TCHH: variants seen among roughly 807,000 people sequenced by gnomAD.
The protein encoded by TCHH is trichohyalin.
In TCHH, 6 loss-of-function variants were observed where a neutral mutation model predicts 6.3. That is an observed-to-expected ratio of 0.95 (90% CI 0.52 to 1.88). The LOEUF (loss-of-function observed/expected upper bound fraction) is 1.88, where lower values mean the gene tolerates loss of function less well. TCHH is among the 40% of genes most tolerant of loss of function. The pLI, the probability that TCHH is intolerant of heterozygous loss-of-function variation, is 0.01. For synonymous variants in TCHH, 1,087 were observed against 963.6 expected (o/e 1.13, Z -2.37); for missense variants, 2,920 against 2,449.1 (o/e 1.19, Z -4.06).
At position 152,107,778 on chromosome 1, in the gene TCHH, G is replaced by C; in HGVS notation, c.5439C>G (p.Arg1813=). 1 of 1,614,162 alleles carries C rather than the reference G, an allele frequency of 6.2e-7. No homozygotes were observed. The highest frequency in any genetic ancestry group is 8.5e-7 in the Non-Finnish European group (1 of 1,180,012). Residue 1813 remains arginine, a synonymous_variant, in exon 3 of 3, where the codon CGC becomes CGG. Coordinates refer to ENST00000614923, the MANE Select transcript of TCHH (RefSeq NM_007113.4). ...LRQEREEQQL[R]PQQRDGKYRW... ...GATACTTTCCGTCACGCTGTTGGGG[G>C]CGCAGCTGCTGTTCTTCCCTCTCCT...
In TCHH at chr1:152,111,357, C is replaced by G. The variant is rs1180157520; in HGVS notation, c.1860G>C (p.Leu620=). 3.1e-6 allele frequency: 5 copies of G among 1,609,538 alleles called. No homozygotes were observed. Among genetic ancestry groups the G allele is most frequent in the Non-Finnish European group, 1.7e-6 (2 of 1,178,574 alleles). ...LEQEERREQR[L]KREEPEEERR... ...TCTCTTCCTCCGGCTCCTCGCGCTT[C>G]AGCCGCTGCTCGCGCCTCTCCTCCT... is the stretch of plus-strand genomic sequence containing the variant. Residue 620 remains leucine (L), a synonymous_variant, in exon 3 of 3, where the codon CTG becomes CTC. Coordinates refer to ENST00000614923, the MANE Select transcript of TCHH (RefSeq NM_007113.4).
In TCHH at chr1:152,110,579, C is replaced by T. The variant is rs1236179330; in HGVS notation, c.2638G>A (p.Glu880Lys). Reference sequence around the variant, plus strand: ...GTGTGGCGGCGTCTCTTCCTTTCTTCTTCTAGTTGCCACCTCCATTTTTGG... The same window carrying T: ...GTGTGGCGGCGTCTCTTCCTTTCTTTTTCTAGTTGCCACCTCCATTTTTGG... ...RDQKWRWQLE[E>K]ERKRRRHTLY... Residue 880 changes from glutamate (E) to lysine (K), a missense_variant, in exon 3 of 3, where the codon GAA becomes AAA. Glu to Lys is a moderately conservative substitution (Grantham distance 56). Coordinates refer to ENST00000614923, the MANE Select transcript of TCHH (RefSeq NM_007113.4). 2.5e-6 allele frequency: 4 copies of T among 1,614,180 alleles called. No individual in the cohort carries two copies. Among genetic ancestry groups the T allele is most frequent in the Non-Finnish European group, 2.5e-6 (3 of 1,180,034 alleles).
In TCHH at chr1:152,107,610, C is replaced by T; in HGVS notation, c.5607G>A (p.Glu1869=). ...TTTCCCGTTCCTGGCGACGTTTCTG[C>T]TCCTCTTCTTGCCATAGTTCTTGTT... The part of the protein sequence containing the change: ...REEQELWQEE[E]QKRRQERERK... Residue 1869 remains glutamate (E), a synonymous_variant, in exon 3 of 3, where the codon GAG becomes GAA. Transcript: ENST00000614923. 1 of 1,614,088 alleles carries T rather than the reference C, an allele frequency of 6.2e-7. No homozygotes were observed. The highest frequency in any genetic ancestry group is 8.5e-7 in the Non-Finnish European group (1 of 1,180,012).
chr1:152,111,174 G>A lies in TCHH; in HGVS notation c.2043C>T (p.Arg681=), dbSNP rs536494435. 3 of 1,613,594 alleles carry A rather than the reference G, an allele frequency of 1.9e-6. No individual in the cohort carries two copies. Among genetic ancestry groups the A allele is most frequent in the African/African-American group, 1.3e-5 (1 of 74,940 alleles). ...GCTCCTCCTCAGCTAGCTCCTGCTC[G>A]CGCCTCTCTTCCTCATGCTCGCGCT... is the stretch of plus-strand genomic sequence containing the variant. The part of the protein sequence containing the change: ...RLKREHEEER[R]EQELAEEEQE... The change falls in exon 3 of 3, where the codon CGC becomes CGT. Residue 681 remains arginine (R), a synonymous_variant. Transcript: ENST00000614923.
Position 152,108,258 on chromosome 1 carries a change from G to T in TCHH, c.4959C>A (p.Arg1653=). Reference sequence around the variant, plus strand: ...GCAGCTGTTGTTCGCGCTCCTGGCGGCGCAGCTGCGGTTCCTCCTCGAGGA... The same window carrying T: ...GCAGCTGTTGTTCGCGCTCCTGGCGTCGCAGCTGCGGTTCCTCCTCGAGGA... ...RKFLEEEPQL[R]RQEREQQLRH... is the part of the protein sequence containing the mutation. Residue 1653 remains arginine (R), a synonymous_variant, in exon 3 of 3, where the codon CGC becomes CGA. Coordinates refer to ENST00000614923, the MANE Select transcript of TCHH (RefSeq NM_007113.4). The T allele has an allele frequency of 6.2e-7, 1 of 1,613,002 alleles. No individual in the cohort carries two copies. The highest frequency in any genetic ancestry group is 8.5e-7 in the Non-Finnish European group (1 of 1,179,666).
chr1:152,110,240 C>A lies in TCHH; in HGVS notation c.2977G>T (p.Glu993Ter). The A allele has an allele frequency of 1.2e-6, 2 of 1,608,818 alleles. No homozygotes were observed. The part of the protein sequence containing the change: ...RQEREKKYRE[E>*]EELQQEEEQL... ...TCTTCCTCCTGCTGCAACTCCTCTT[C>A]CTCGCGGTATTTTTTCTCCCGCTCC... The change falls in exon 3 of 3, where the codon GAA (glutamate) becomes TAA (stop). Residue 993 changes from glutamate to a stop codon, truncating the protein, a stop_gained. Coordinates refer to ENST00000614923, the MANE Select transcript of TCHH (RefSeq NM_007113.4). LOFTEE classifies it low-confidence loss of function (END_TRUNC).
Position 152,108,041 on chromosome 1 carries a change from GGAATTTTCTCTCCA to G in TCHH, c.5162_5175del (p.Leu1721ProfsTer2). On this transcript the variant is annotated frameshift_variant, in exon 3 of 3. Transcript: ENST00000614923. LOFTEE classifies it low-confidence loss of function (END_TRUNC). ...TCTTGGCGCAGCTGTTCCTCCTCAC[GGAATTTTCTCTCCA>G]GTTCCTGGCGGCGCAGCTGCTGTTC... The G allele has an allele frequency of 3.1e-6, 5 of 1,613,950 alleles. No individual in the cohort carries two copies. The highest frequency in any genetic ancestry group is 4.2e-6 in the Non-Finnish European group (5 of 1,179,986).
rs760306807 is a variant in TCHH, at chr1:152,111,387, G to A, written c.1830C>T (p.Leu610=). ...QRLKREEVER[L]EQEERREQRL... ...GCTGCTCGCGCCTCTCCTCCTGCTC[G>A]AGTCTCTCCACCTCCTCGCGCTTCA... The change falls in exon 3 of 3, where the codon CTC becomes CTT. Residue 610 remains leucine (L), a synonymous_variant. Transcript: ENST00000614923. 2 of 1,565,072 alleles carry A rather than the reference G, an allele frequency of 1.3e-6. No homozygotes were observed. Among genetic ancestry groups the A allele is most frequent in the African/African-American group, 1.6e-5 (1 of 61,846 alleles).
Position 152,109,485 on chromosome 1 carries a change from G to C in TCHH, c.3732C>G (p.Gly1244=), listed in dbSNP as rs1193544284. 6.2e-7 allele frequency: 1 copy of C among 1,614,130 alleles called. No individual in the cohort carries two copies. Among genetic ancestry groups the C allele is most frequent in the African/African-American group, 1.3e-5 (1 of 74,940 alleles). The stretch of plus-strand genomic sequence containing the variant: ...ACTGCCGGAACTGTTCATTCTCTCT[G>C]CCTTTGCAGTAAACCTTGTTATCAC... ...AVRDNKVYCK[G]RENEQFRQLE... is the part of the protein sequence containing the mutation. The change falls in exon 3 of 3, where the codon GGC becomes GGG. Residue 1244 remains glycine (G), a synonymous_variant. Coordinates refer to ENST00000614923, the MANE Select transcript of TCHH (RefSeq NM_007113.4).
chr1:152,112,335 C>T lies in TCHH; in HGVS notation c.882G>A (p.Glu294=). Residue 294 remains glutamate (E), a synonymous_variant, in exon 3 of 3, where the codon GAG becomes GAA. Transcript: ENST00000614923. ...CGCGCCTCAGCCTTTGCTGCTGCTG[C>T]TCTTCCTCCTGGCGCTCCCTCCTCA... ...QELRRERQEE[E]QQQQRLRREQ... is the part of the protein sequence containing the mutation. 6.2e-7 allele frequency: 1 copy of T among 1,613,272 alleles called. No homozygotes were observed. The highest frequency in any genetic ancestry group is 8.5e-7 in the Non-Finnish European group (1 of 1,180,030).
At position 152,110,987 on chromosome 1, in the gene TCHH, T is replaced by G. The variant is rs1209350796; in HGVS notation, c.2230A>C (p.Ser744Arg). 1 of 1,613,028 alleles carries G rather than the reference T, an allele frequency of 6.2e-7. No individual in the cohort carries two copies. The highest frequency in any genetic ancestry group is 1.3e-5 in the African/African-American group (1 of 74,798). Residue 744 changes from serine to arginine, a missense_variant, in exon 3 of 3, where the codon AGT becomes CGT. Coordinates refer to ENST00000614923, the MANE Select transcript of TCHH (RefSeq NM_007113.4). ...EQEEKRRRRE[S>R]ELQWQEEERA... ...TCCTCCTCCTGCCATTGCAGCTCAC[T>G]CTCCCGGCGCCGCCTCTTTTCCTCC...
Position 152,110,726 on chromosome 1 carries a change from GCT to G in TCHH, c.2489_2490del (p.Glu830AlafsTer134). ...TGCTCCTCTTCCTCCAGGAACTGCA[GCT>G]CTTTCTCCCTCTCGCGTCGCTGGCG... ...RRRQRREREK[E>X]LQFLEEEEQL... On this transcript the variant is annotated frameshift_variant, in exon 3 of 3. Coordinates refer to ENST00000614923, the MANE Select transcript of TCHH (RefSeq NM_007113.4). LOFTEE classifies it low-confidence loss of function (END_TRUNC). 1 of 1,611,038 alleles carries G rather than the reference GCT, an allele frequency of 6.2e-7. No individual in the cohort carries two copies. Among genetic ancestry groups the G allele is most frequent in the Non-Finnish European group, 8.5e-7 (1 of 1,180,000 alleles).
Position 152,113,061 on chromosome 1 carries a change from C to G in TCHH, c.156G>C (p.Lys52Asn). ...GAAGTTCCAGGATCAGATCTACCGT[C>G]TTAGGGTCATGTGGTCTCTATAAAA... is the stretch of plus-strand genomic sequence containing the variant. ...GAVLRRPHDP[K>N]TVDLILELLD... Residue 52 changes from lysine (K) to asparagine (N), a missense_variant, in exon 3 of 3, where the codon AAG becomes AAC. By Grantham distance (94) the Lys-to-Asn change is moderately conservative. Coordinates refer to ENST00000614923, the MANE Select transcript of TCHH (RefSeq NM_007113.4). The G allele has an allele frequency of 1.2e-6, 2 of 1,609,256 alleles. No homozygotes were observed. The highest frequency in any genetic ancestry group is 1.7e-5 in the Admixed American group (1 of 59,180).
chr1:152,114,646 A>C (rs1658466132), intron 1 of TCHH, among the ~76,000 whole-genome samples: 1 of 152,238 alleles, frequency 6.6e-6, no homozygotes, highest in Non-Finnish European at 1.5e-5. Context: ...AGGAACTCTT[A>C]TAGAATATAA....
At position 152,108,047 on chromosome 1, in the gene TCHH, T is replaced by C. The variant is rs771146028; in HGVS notation, c.5170A>G (p.Lys1724Glu). ...QQLRRQELER[K>E]FREEEQLRQE... ...CGCAGCTGTTCCTCCTCACGGAATT[T>C]TCTCTCCAGTTCCTGGCGGCGCAGC... The change falls in exon 3 of 3, where the codon AAA becomes GAA. Residue 1724 changes from lysine to glutamate, a missense_variant. Physicochemically the swap from Lys to Glu is moderately conservative, Grantham distance 56. Coordinates refer to ENST00000614923, the MANE Select transcript of TCHH (RefSeq NM_007113.4). 1 of 1,613,622 alleles carries C rather than the reference T, an allele frequency of 6.2e-7. No homozygotes were observed. Among genetic ancestry groups the C allele is most frequent in the East Asian group, 2.2e-5 (1 of 44,808 alleles).
chr1:152,109,975 C>T lies in TCHH; in HGVS notation c.3242G>A (p.Arg1081Gln), dbSNP rs1420355239. The change falls in exon 3 of 3, where the codon CGG becomes CAG. Residue 1081 changes from arginine to glutamine, a missense_variant. Coordinates refer to ENST00000614923, the MANE Select transcript of TCHH (RefSeq NM_007113.4). ...RRRQELERQY[R>Q]KEEELQQEEE... ...CTCCTGCTGCAGCTCCTCTTCCTTC[C>T]GATATTGCCTCTCCAGCTCCTGGCG... 9.1e-6 allele frequency: 14 copies of T among 1,537,362 alleles called. No individual in the cohort carries two copies. The highest frequency in any genetic ancestry group is 1.2e-5 in the Non-Finnish European group (14 of 1,140,110).
At position 152,113,974 on chromosome 1, in the gene TCHH, A is replaced by G; in HGVS notation, c.107T>C (p.Leu36Pro). The change falls in exon 2 of 3, where the codon CTC (leucine) becomes CCC (proline). Residue 36 changes from leucine (L) to proline (P), a missense_variant. Transcript: ENST00000614923. ...AALTKKDLKN[L>P]LEREFGAVLR... is the part of the protein sequence containing the mutation. ...CACAGCTCCAAATTCCCTTTCAAGG[A>G]GGTTCTTCAGGTCTTTCTTAGTTAA... 1 of 1,613,654 alleles carries G rather than the reference A, an allele frequency of 6.2e-7. No individual in the cohort carries two copies. Among genetic ancestry groups the G allele is most frequent in the Non-Finnish European group, 8.5e-7 (1 of 1,179,858 alleles).
Sources: allele counts gnomAD v4.1 joint callset (sites outside exome capture counted in the v4.1 genomes callset), GRCh38; gene constraint gnomAD v4.1.1; transcripts MANE v1.5; gene names NCBI Gene and HGNC (gene_info 2026-07-23, HGNC 2026-07-21).